The following SLCO3A1 variants were observed in gnomAD, a reference collection of about 807,000 sequenced individuals.
The protein encoded by SLCO3A1 is PGE1 transporter.
Under a neutral mutation model 63.1 loss-of-function variants are expected in SLCO3A1, and 27 were observed. That is an observed-to-expected ratio of 0.43 (90% CI 0.32 to 0.59). The LOEUF (loss-of-function observed/expected upper bound fraction) is 0.59. Ranked by LOEUF, SLCO3A1 falls within the 20% of genes least tolerant of loss-of-function variation. The pLI is 0.09. For synonymous variants in SLCO3A1, 473 were observed against 409.9 expected (o/e 1.15, Z -1.86); for missense variants, 773 against 945.8 (o/e 0.82, Z 2.40).
chr15:91,862,387 C>T lies in SLCO3A1; in HGVS notation c.180+8299C>T, dbSNP rs927367133. Among the ~76,000 whole-genome samples, 1 of 152,106 alleles carries T rather than the reference C, an allele frequency of 6.6e-6. No individual in the cohort carries two copies. Among genetic ancestry groups the T allele is most frequent in the Non-Finnish European group, 1.5e-5 (1 of 68,024 alleles). ...GCCAGGGTGGTCTCGAACTCCTGAC[C>T]TCAAGTGATCCACTCACCTCAGCCT... is the stretch of plus-strand genomic sequence containing the variant. On this transcript the variant is annotated intron_variant, in intron 1 of 9. Transcript: ENST00000318445. The surrounding 1 kb of genome is among the most constrained non-coding windows in gnomAD (Gnocchi z 4.0).
intron 2 of SLCO3A1, among the ~76,000 whole-genome samples, chr15:92,018,678 C>T (rs1387661548): frequency 6.6e-6 from 1 of 152,164 alleles, no homozygotes; most frequent in Non-Finnish European, 1.5e-5. Flanking sequence ...GTCCGTCGGG[C>T]CACCAGGAGT....
At chr15:92,117,904 T>C (rs911533738) in intron 4 of SLCO3A1, among the ~76,000 whole-genome samples, 7 of 152,270 alleles carry the variant, frequency 4.6e-5, no homozygotes, top group Non-Finnish European at 1.0e-4. Context: ...TCAGGATTAC[T>C]CTAAATATTT....
At chr15:92,016,241 A>ATGATAGATAGATTGATTGAT (rs748323189) in intron 2 of SLCO3A1, among the ~76,000 whole-genome samples, 1 of 53,536 alleles carries the variant, frequency 1.9e-5, no homozygotes, top group African/African-American at 1.1e-4. Context: ...AGATAGATAG[A>ATGATAGATAGATTGATTGAT]TAGATAGATA....
At chr15:92,149,666 C>T (rs1038810355) in intron 8 of SLCO3A1, 16 of 152,204 alleles carry the variant, frequency 1.1e-4, no homozygotes, top group Admixed American at 1.3e-4. Flanking sequence ...GAGCCCTCCC[C>T]GTTTCTTCAT....
At chr15:92,124,462 G>T (rs1291555324) in intron 5 of SLCO3A1, among the ~76,000 whole-genome samples, 3 of 152,088 alleles carry the variant, frequency 2.0e-5, no homozygotes, top group Admixed American at 6.5e-5. Context: ...TGCTTTCTGG[G>T]TGTGGGCATG....
intron 2 of SLCO3A1, among the ~76,000 whole-genome samples, chr15:91,922,031 G>A (rs912056149): frequency 1.3e-5 from 2 of 152,090 alleles, no homozygotes; most frequent in South Asian, 4.1e-4. Context: ...CACTGCGCCC[G>A]GCCAAGATTT....
intron 2 of SLCO3A1, among the ~76,000 whole-genome samples, chr15:92,029,571 T>C (rs2046620165): frequency 6.6e-6 from 1 of 152,206 alleles, no homozygotes; most frequent in East Asian, 1.9e-4. Flanking sequence ...GTAGAAAATT[T>C]GGAAACACAA....
chr15:91,938,933 A>G (rs957395959), intron 2 of SLCO3A1, among the ~76,000 whole-genome samples: 1 of 152,192 alleles, frequency 6.6e-6, no homozygotes, highest in African/African-American at 2.4e-5. Context: ...CAGGCCCCCA[A>G]GACTTTCTAA....
At position 91,941,303 on chromosome 15, in the gene SLCO3A1, TG is replaced by T. The variant is rs1270492625; in HGVS notation, c.646+24848del. On this transcript the variant is annotated intron_variant, in intron 2 of 9. Transcript: ENST00000318445. The surrounding 1 kb of genome is among the most constrained non-coding windows in gnomAD (Gnocchi z 4.4). ...GGCAGGGCGGGGCTCGGCTGGGGGG[TG>T]GGAGAGAGACACTGAATCAGTGCAT... is the stretch of plus-strand genomic sequence containing the variant. 3 of 244,090 alleles carry T rather than the reference TG, an allele frequency of 1.2e-5. No individual in the cohort carries two copies. Among genetic ancestry groups the T allele is most frequent in the South Asian group, 4.2e-5 (1 of 23,682 alleles). The allele number at this position is 244,090 out of a possible 1,614,324, so 15.1% of individuals were successfully genotyped here.
Position 91,893,592 on chromosome 15 carries a change from T to C in SLCO3A1, c.181-22401T>C, listed in dbSNP as rs992942142. Among the ~76,000 whole-genome samples, 4 of 152,196 alleles carry C rather than the reference T, an allele frequency of 2.6e-5. No homozygotes were observed. The East Asian group carries it at 5.8e-4, about 22-fold the overall frequency. On this transcript the variant is annotated intron_variant, in intron 1 of 9. Transcript: ENST00000318445. ...ATGACTTAATCACCTCCCAAAGGCT[T>C]CACCTCCTAATACTATCACATTGGT...
chr15:91,910,637 T>G (rs1898454731), intron 1 of SLCO3A1, among the ~76,000 whole-genome samples: 1 of 152,222 alleles, frequency 6.6e-6, no homozygotes, highest in South Asian at 2.1e-4. Flanking sequence ...CTTGACCAAA[T>G]GCTGTCAAAG....
At chr15:91,983,079 T>G (rs1421058251) in intron 2 of SLCO3A1, among the ~76,000 whole-genome samples, 2 of 152,218 alleles carry the variant, frequency 1.3e-5, no homozygotes, top group Non-Finnish European at 2.9e-5. Flanking sequence ...TCCATTAAGC[T>G]GGAGATGGGA....
intron 5 of SLCO3A1, among the ~76,000 whole-genome samples, chr15:92,123,362 G>T (rs192419973): frequency 1.3e-5 from 2 of 152,082 alleles, no homozygotes; most frequent in Non-Finnish European, 2.9e-5. Flanking sequence ...AGCCGAGATC[G>T]CGCCATTGCA....
rs1567133422 is a variant in SLCO3A1 at position 92,126,245 on chromosome 15, T to C, written c.1359T>C (p.Val453=). 17 of 1,614,000 alleles carry C rather than the reference T, an allele frequency of 1.1e-5. No individual in the cohort carries two copies. The highest frequency in any genetic ancestry group is 1.4e-5 in the Non-Finnish European group (16 of 1,179,964). ...CTGGCCCTGTGGCTGGGGTTACTGT[T>C]CCCTATGGAAACAGGTGAGTACTGG... ...CDTGPVAGVT[V]PYGNSTAPGS... The change falls in exon 6 of 10, where the codon GTT becomes GTC. Residue 453 remains valine, a synonymous_variant. Transcript: ENST00000318445.
intron 2 of SLCO3A1, among the ~76,000 whole-genome samples, chr15:91,992,836 G>T (rs1316009889): frequency 1.3e-5 from 2 of 152,120 alleles, no homozygotes; most frequent in Admixed American, 6.5e-5. Context: ...TATAATCCTG[G>T]GTTGAACTGT....
chr15:92,171,937 C>T (rs2270060), exon 11 of SLCO3A1: 399,643 of 1,108,120 alleles, frequency 0.36, 75,099 homozygotes, highest in Admixed American at 0.52. Context: ...TCACTTAGCG[C>T]GCTCCTCCCT....
intron 2 of SLCO3A1, among the ~76,000 whole-genome samples, chr15:92,007,297 A>G (rs1398345151): frequency 6.6e-6 from 1 of 152,236 alleles, no homozygotes; most frequent in Non-Finnish European, 1.5e-5. Context: ...ATTGTTCCAT[A>G]GTGAAAAGAC....
At chr15:92,099,292 T>C (rs1015128176) in intron 3 of SLCO3A1, among the ~76,000 whole-genome samples, 2 of 152,254 alleles carry the variant, frequency 1.3e-5, no homozygotes, top group Non-Finnish European at 2.9e-5. Context: ...ATTAGCCCAA[T>C]GGCTGCGATT....
intron 2 of SLCO3A1, among the ~76,000 whole-genome samples, chr15:91,993,565 G>T (rs1040078042): frequency 5.9e-5 from 9 of 152,088 alleles, no homozygotes; most frequent in Non-Finnish European, 1.5e-5. Flanking sequence ...AATATTTATT[G>T]ATTTTATCAT....
Sources: gnomAD v4.1 joint callset for allele counts (sites outside exome capture counted in the v4.1 genomes callset) on GRCh38, gnomAD v4.1.1 for gene constraint, Gnocchi (gnomAD v3.1) non-coding constraint, MANE v1.5 for transcripts, NCBI Gene and HGNC (gene_info 2026-07-23, HGNC 2026-07-21) for gene names.